OGFOD1: variants seen among roughly 807,000 people sequenced by gnomAD.
OGFOD1 encodes the protein prolyl 3-hydroxylase OGFOD1.
In OGFOD1, 54 loss-of-function variants were observed where a neutral mutation model predicts 67.7. The ratio of observed to expected loss-of-function variants is 0.80; its 90% CI spans 0.64 to 1.00. The LOEUF (loss-of-function observed/expected upper bound fraction) is 1.00, where lower values mean the gene tolerates loss of function less well. Among genes scored for constraint, OGFOD1 ranks in the 50% least tolerant of loss-of-function variants. OGFOD1 has a pLI of 0.00. For synonymous variants in OGFOD1, 221 were observed against 227.0 expected, an observed-to-expected ratio of 0.97 and a Z score of 0.24; for missense variants, 606 against 646.7, an observed-to-expected ratio of 0.94 and a Z score of 0.68.
In OGFOD1 at chr16:56,470,480, T is replaced by TA; in HGVS notation, c.981-7_981-6insA. ...TTGATGAACAACTTGACATTGCTGT[T>TA]TTTCAGGTTTTATGAGAAAGCTGAG... On this transcript the variant is annotated splice_region_variant and splice_polypyrimidine_tract_variant and intron_variant, in intron 9 of 12. Coordinates refer to ENST00000566157, the MANE Select transcript of OGFOD1 (RefSeq NM_018233.4). The TA allele has an allele frequency of 6.3e-7, 1 of 1,593,042 alleles. No individual in the cohort carries two copies. Among genetic ancestry groups the TA allele is most frequent in the Non-Finnish European group, 8.5e-7 (1 of 1,171,464 alleles).
chr16:56,466,134 T>A lies in OGFOD1; in HGVS notation c.449-18T>A. 6.3e-7 allele frequency: 1 copy of A among 1,579,424 alleles called. No homozygotes were observed. The highest frequency in any genetic ancestry group is 8.7e-7 in the Non-Finnish European group (1 of 1,148,588). On this transcript the variant is annotated intron_variant, in intron 4 of 12. Coordinates refer to ENST00000566157, the MANE Select transcript of OGFOD1 (RefSeq NM_018233.4). ...TCACTATCTGCAGGGATCTAAGGTG[T>A]CCATTAAACTATTGCAGATGCCCTG...
At chr16:56,453,663 C>CTT in intron 2 of OGFOD1, 1 of 286,838 alleles carries the variant, frequency 3.5e-6, no homozygotes, top group Non-Finnish European at 6.6e-6. Flanking sequence ...AGTGCAAGCT[C>CTT]TGTACTCTCA....
intron 2 of OGFOD1, chr16:56,454,860 A>G (rs1413021287): frequency 2.6e-6 from 1 of 385,736 alleles, no homozygotes; most frequent in Non-Finnish European, 5.1e-6. Context: ...TAACCAGGAT[A>G]AATACATGAA....
Position 56,451,784 on chromosome 16 carries a change from G to C in OGFOD1, c.154+18G>C, listed in dbSNP as rs183077684. The C allele has an allele frequency of 1.9e-5, 31 of 1,610,948 alleles. No individual in the cohort carries two copies. The highest frequency in any genetic ancestry group is 2.5e-5 in the Non-Finnish European group (29 of 1,179,392). ...CAGTCACGGTAACCGGGTGCTCTCA[G>C]GGAGGGGCCGCCACGCAGAGGTCTA... On this transcript the variant is annotated intron_variant, in intron 1 of 12. Coordinates refer to ENST00000566157, the MANE Select transcript of OGFOD1 (RefSeq NM_018233.4).
chr16:56,467,316 T>C (rs749726687), intron 7 of OGFOD1, 23 bp downstream of exon 7: 2 of 1,613,324 alleles, frequency 1.2e-6, no homozygotes, highest in Non-Finnish European at 1.7e-6. Flanking sequence ...GCTGATATCC[T>C]TATCTTAGGA....
At chr16:56,455,416 G>T (rs1488582890) in intron 2 of OGFOD1, among the ~76,000 whole-genome samples, 3 of 150,810 alleles carry the variant, frequency 2.0e-5, no homozygotes, top group Non-Finnish European at 3.0e-5. Context: ...AATAAAAAGA[G>T]CCTTGGGTGA....
intron 4 of OGFOD1, among the ~76,000 whole-genome samples, chr16:56,463,465 CA>C (rs1220744074): frequency 7.8e-6 from 1 of 128,404 alleles, no homozygotes; most frequent in Non-Finnish European, 1.6e-5. Context: ...CTCTGTTGTC[CA>C]GGCTGGAATG....
intron 10 of OGFOD1, among the ~76,000 whole-genome samples, chr16:56,474,557 TG>T (rs1411580610): frequency 6.6e-6 from 1 of 152,062 alleles, no homozygotes; most frequent in East Asian, 1.9e-4. Flanking sequence ...CGACCTCAGG[TG>T]ATCTGCCCAC....
intron 2 of OGFOD1, among the ~76,000 whole-genome samples, chr16:56,457,269 G>A (rs1327098184): frequency 6.6e-6 from 1 of 152,182 alleles, no homozygotes; most frequent in African/African-American, 2.4e-5. Context: ...ACCACAACAT[G>A]GATGAACCTT....
chr16:56,471,044 G>A (rs79573171), intron 10 of OGFOD1, among the ~76,000 whole-genome samples: 1 of 151,938 alleles, frequency 6.6e-6, no homozygotes, highest in Non-Finnish European at 1.5e-5. Flanking sequence ...TTGTAATAGG[G>A]TTATATGACA....
chr16:56,451,574 T>G lies in OGFOD1; in HGVS notation c.-39T>G. ...TTGCAGTACCCTCAGGAAGGTAGCG[T>G]CTTGATCTGCGTGGCGTGGTTCTGT... is the stretch of plus-strand genomic sequence containing the variant. On this transcript the variant is annotated 5_prime_UTR_variant, in exon 1 of 13. Coordinates refer to ENST00000566157, the MANE Select transcript of OGFOD1 (RefSeq NM_018233.4). The G allele has an allele frequency of 2.5e-6, 4 of 1,610,154 alleles. No individual in the cohort carries two copies. The highest frequency in any genetic ancestry group is 3.4e-6 in the Non-Finnish European group (4 of 1,178,804).
At chr16:56,467,773 G>C (rs1962967804) in intron 7 of OGFOD1, 132 bp from the exon 8 acceptor site, 1 of 667,814 alleles carries the variant, frequency 1.5e-6, no homozygotes, top group Admixed American at 2.7e-5. Context: ...CTCAAGCAGA[G>C]TTTTCCAGTA....
intron 4 of OGFOD1, among the ~76,000 whole-genome samples, chr16:56,463,534 T>C (rs1164476411): frequency 6.6e-6 from 1 of 151,748 alleles, no homozygotes; most frequent in Non-Finnish European, 1.5e-5. Context: ...GTGATTCTCC[T>C]GCCTCAGCCT....
intron 3 of OGFOD1, among the ~76,000 whole-genome samples, chr16:56,461,864 A>G (rs1962721819): frequency 6.6e-6 from 1 of 152,092 alleles, no homozygotes; most frequent in East Asian, 1.9e-4. Flanking sequence ...AGGCCGAGGC[A>G]GGCGGATCAC....
chr16:56,475,823 T>G (rs562480119), intron 12 of OGFOD1, among the ~76,000 whole-genome samples: 20 of 152,302 alleles, frequency 1.3e-4, no homozygotes, highest in African/African-American at 4.6e-4. Context: ...TACAATGTAG[T>G]AAGAAATAAA....
intron 4 of OGFOD1, among the ~76,000 whole-genome samples, chr16:56,463,460 T>C (rs1962796332): frequency 6.8e-6 from 1 of 148,020 alleles, no homozygotes; most frequent in South Asian, 2.2e-4. Context: ...TCTCCCTCTG[T>C]TGTCCAGGCT....
chr16:56,463,187 A>C (rs1392122593), intron 4 of OGFOD1, among the ~76,000 whole-genome samples: 2 of 152,042 alleles, frequency 1.3e-5, no homozygotes, highest in Non-Finnish European at 2.9e-5. Flanking sequence ...TTTTTTGGAT[A>C]CAAGCTTGGT....
At chr16:56,475,958 T>C in intron 12 of OGFOD1, 86 bp from the exon 13 acceptor site, 1 of 1,241,622 alleles carries the variant, frequency 8.1e-7, no homozygotes, top group Non-Finnish European at 1.1e-6. Context: ...GTGCTTGATA[T>C]GGAAACCATC....
Position 56,466,865 on chromosome 16 carries a change from TC to T in OGFOD1, c.566-9del. On this transcript the variant is annotated splice_polypyrimidine_tract_variant and intron_variant, in intron 5 of 12. Coordinates refer to ENST00000566157, the MANE Select transcript of OGFOD1 (RefSeq NM_018233.4). The stretch of plus-strand genomic sequence containing the variant: ...AATGATAATTTATTGATGTGTTCTT[TC>T]CTGGTGCAGAACACTTTCAGCCGAA... 1 of 1,591,478 alleles carries T rather than the reference TC, an allele frequency of 6.3e-7. No homozygotes were observed. Among genetic ancestry groups the T allele is most frequent in the Non-Finnish European group, 8.6e-7 (1 of 1,159,682 alleles).
Sources: gnomAD v4.1 joint callset for allele counts (sites outside exome capture counted in the v4.1 genomes callset) on GRCh38, gnomAD v4.1.1 for gene constraint, MANE v1.5 for transcripts, NCBI Gene and HGNC (gene_info 2026-07-23, HGNC 2026-07-21) for gene names.